PCBP3: variants seen among roughly 807,000 people sequenced by gnomAD.
The protein encoded by PCBP3 is poly(rC) binding protein 3, also known as poly(rC)-binding protein 3.
Under a neutral mutation model 52.7 loss-of-function variants are expected in PCBP3, and 25 were observed. That is an observed-to-expected ratio of 0.47 (90% CI 0.35 to 0.66). The LOEUF (loss-of-function observed/expected upper bound fraction) is 0.66. Ranked by LOEUF, PCBP3 falls within the 30% of genes least tolerant of loss-of-function variation. PCBP3 has a pLI of 0.01. For synonymous variants in PCBP3, 162 were observed against 183.0 expected (o/e 0.89, Z 0.93); for missense variants, 391 against 490.3 (o/e 0.80, Z 1.91).
Position 45,656,971 on chromosome 21 carries a change from G to A in PCBP3, c.-278-11903G>A, listed in dbSNP as rs533722366. ...CGAGTAGCTGGGACTACAGGTGCCC[G>A]CCACTGCGCCTGGCTAATTTTTTGT... On this transcript the variant is annotated intron_variant, in intron 1 of 17. Coordinates refer to ENST00000681687, the MANE Select transcript of PCBP3 (RefSeq NM_001384156.1). The surrounding 1 kb of genome is among the most constrained non-coding windows in gnomAD (Gnocchi z 4.3). Among the ~76,000 whole-genome samples, 8 of 152,128 alleles carry A rather than the reference G, an allele frequency of 5.3e-5. No homozygotes were observed. The highest frequency in any genetic ancestry group is 1.9e-4 in the East Asian group (1 of 5,164).
At chr21:45,774,422 T>G (rs1603415809) in intron 4 of PCBP3, among the ~76,000 whole-genome samples, 2 of 151,212 alleles carry the variant, frequency 1.3e-5, no homozygotes, top group Non-Finnish European at 3.0e-5. Flanking sequence ...GTCTTTTTGG[T>G]GGAGACTTTA....
chr21:45,698,432 A>C (rs2082916618), intron 2 of PCBP3, among the ~76,000 whole-genome samples: 1 of 152,224 alleles, frequency 6.6e-6, no homozygotes, highest in Non-Finnish European at 1.5e-5. Context: ...TTCAATAAAT[A>C]ATTTGTTGGG....
At chr21:45,781,062 ATCTGATC>A (rs1040404129) in intron 4 of PCBP3, among the ~76,000 whole-genome samples, 3 of 152,178 alleles carry the variant, frequency 2.0e-5, no homozygotes, top group African/African-American at 2.4e-5. Flanking sequence ...TAAGGCAGAT[ATCTGATC>A]AACCACCTTG....
rs201996887 is a variant in PCBP3 at position 45,649,108 on chromosome 21, T to TA, written c.-279+5241dup. On this transcript the variant is annotated intron_variant, in intron 1 of 17. Coordinates refer to ENST00000681687, the MANE Select transcript of PCBP3 (RefSeq NM_001384156.1). ...ACAAAAGAAAGAGGTTTAATGGACT[T>TA]ACAGTTCCACGTGGCTGGGGAGGCC... Among the ~76,000 whole-genome samples, 748 of 152,292 alleles carry TA rather than the reference T, an allele frequency of 4.9e-3. 7 individuals carry two copies. The highest frequency in any genetic ancestry group is 0.017 in the African/African-American group (687 of 41,568).
In PCBP3 at chr21:45,827,097, C is replaced by T. The variant is rs569691058; in HGVS notation, c.-125-22864C>T. Among the ~76,000 whole-genome samples the T allele has an allele frequency of 7.9e-4, 120 of 152,298 alleles. No homozygotes were observed. The highest frequency in any genetic ancestry group is 2.8e-3 in the African/African-American group (115 of 41,566). On this transcript the variant is annotated intron_variant, in intron 4 of 17. Transcript: ENST00000681687. This position sits in a 1 kb window ranked among gnomAD's most constrained non-coding sequence, Gnocchi z 4.3. ...GAGCCAGGCTCTCAAGAGCGCTCCC[C>T]ACTCCCGCGTCCCTGGGGACCACAC...
intron 13 of PCBP3, among the ~76,000 whole-genome samples, chr21:45,920,130 C>T (rs1171847336): frequency 6.6e-6 from 1 of 152,134 alleles, no homozygotes; most frequent in Non-Finnish European, 1.5e-5. Context: ...GAAGGTTAGT[C>T]GATGGGGTCA....
chr21:45,806,949 C>T (rs1374738443), intron 4 of PCBP3, among the ~76,000 whole-genome samples: 1 of 152,202 alleles, frequency 6.6e-6, no homozygotes, highest in Non-Finnish European at 1.5e-5. Flanking sequence ...CTGCACACTC[C>T]AGGATTTAGA....
chr21:45,782,569 A>C (rs565155841), intron 4 of PCBP3, among the ~76,000 whole-genome samples: 1 of 152,348 alleles, frequency 6.6e-6, no homozygotes, highest in South Asian at 2.1e-4. Flanking sequence ...GTCAATGGTC[A>C]AATGTCATGT....
At position 45,827,461 on chromosome 21, in the gene PCBP3, A is replaced by G. The variant is rs376351935; in HGVS notation, c.-125-22500A>G. Among the ~76,000 whole-genome samples the G allele has an allele frequency of 6.6e-6, 1 of 152,160 alleles. No individual in the cohort carries two copies. Among genetic ancestry groups the G allele is most frequent in the East Asian group, 1.9e-4 (1 of 5,182 alleles). ...AGACACCAACACCAACACCCAGATG[A>G]CATGGGCACCGAAGTTACCCAACAG... On this transcript the variant is annotated intron_variant, in intron 4 of 17. Coordinates refer to ENST00000681687, the MANE Select transcript of PCBP3 (RefSeq NM_001384156.1). The surrounding 1 kb of genome is among the most constrained non-coding windows in gnomAD (Gnocchi z 4.3).
At chr21:45,694,760 G>T (rs1027485863) in intron 2 of PCBP3, among the ~76,000 whole-genome samples, 1 of 152,100 alleles carries the variant, frequency 6.6e-6, no homozygotes, top group Non-Finnish European at 1.5e-5. Flanking sequence ...AATAAAACCA[G>T]TGCCTCTATA....
chr21:45,756,769 G>A (rs1381970507), intron 4 of PCBP3, among the ~76,000 whole-genome samples: 1 of 152,066 alleles, frequency 6.6e-6, no homozygotes, highest in Non-Finnish European at 1.5e-5. Context: ...TGTGGCTTTT[G>A]GTGTCTGATT....
chr21:45,867,437 G>T (rs1007963567), intron 5 of PCBP3, among the ~76,000 whole-genome samples: 156 of 152,370 alleles, frequency 1.0e-3, no homozygotes, highest in African/African-American at 3.7e-3. Flanking sequence ...TGCGGGCAGG[G>T]TGTGCCGCTA....
chr21:45,810,253 T>A (rs78673385), intron 4 of PCBP3, among the ~76,000 whole-genome samples: 2 of 139,932 alleles, frequency 1.4e-5, no homozygotes, highest in Admixed American at 1.5e-4. Flanking sequence ...TGTGAGAGAG[T>A]GTGTGTGACA....
intron 5 of PCBP3, among the ~76,000 whole-genome samples, chr21:45,895,881 A>T (rs1225136410): frequency 6.6e-6 from 1 of 152,238 alleles, no homozygotes; most frequent in African/African-American, 2.4e-5. Flanking sequence ...TGGGCCTCAC[A>T]GGGGTAGCTC....
rs2089345282 is a variant in PCBP3 at position 45,766,566 on chromosome 21, A to G, written c.-126+11114A>G. Among the ~76,000 whole-genome samples, 3 of 152,194 alleles carry G rather than the reference A, an allele frequency of 2.0e-5. No individual in the cohort carries two copies. In the South Asian group the frequency reaches 6.2e-4, roughly 32 times the overall value. On this transcript the variant is annotated intron_variant, in intron 4 of 17. Coordinates refer to ENST00000681687, the MANE Select transcript of PCBP3 (RefSeq NM_001384156.1). ...ATTTCCAGCTTCCGTGGAAGCCCCC[A>G]GTCTGTGGTGTTCTGTTATGGCAGC...
chr21:45,801,892 C>G (rs1279865754), intron 4 of PCBP3, among the ~76,000 whole-genome samples: 2 of 152,348 alleles, frequency 1.3e-5, no homozygotes, highest in East Asian at 3.9e-4. Flanking sequence ...CCATGATCTA[C>G]TCAGTTTAAT....
chr21:45,935,531 G>A (rs1319574547), intron 16 of PCBP3: 2 of 664,116 alleles, frequency 3.0e-6, no homozygotes, highest in East Asian at 3.0e-5. Flanking sequence ...ACAAGCAACA[G>A]GCTAAAGGGG....
chr21:45,751,470 C>T (rs2087495561), intron 3 of PCBP3: 2 of 152,204 alleles, frequency 1.3e-5, no homozygotes, highest in African/African-American at 4.8e-5. Flanking sequence ...AAACAGCATC[C>T]CTGGAGTCGC....
intron 3 of PCBP3, among the ~76,000 whole-genome samples, chr21:45,747,072 A>G (rs532769315): frequency 6.6e-6 from 1 of 152,344 alleles, no homozygotes; most frequent in African/African-American, 2.4e-5. Flanking sequence ...TAATTTATAA[A>G]GAAAAAGAGG....
Sources: allele counts gnomAD v4.1 joint callset (sites outside exome capture counted in the v4.1 genomes callset), GRCh38; gene constraint gnomAD v4.1.1; non-coding constraint Gnocchi (gnomAD v3.1); transcripts MANE v1.5; gene names NCBI Gene and HGNC (gene_info 2026-07-23, HGNC 2026-07-21).